TAF4B: variants seen among roughly 807,000 people sequenced by gnomAD.
The protein encoded by TAF4B is TATA-box binding protein associated factor 4b.
Under a neutral mutation model 86.4 loss-of-function variants are expected in TAF4B, and 38 were observed. The ratio of observed to expected loss-of-function variants is 0.44; its 90% CI spans 0.34 to 0.58. The LOEUF (loss-of-function observed/expected upper bound fraction) is 0.58. TAF4B is among the 20% of genes least tolerant of loss of function. TAF4B has a pLI of 0.02. For missense variants in TAF4B, 988 were observed against 1,027.6 expected, an observed-to-expected ratio of 0.96 and a Z score of 0.53; for synonymous variants, 388 against 391.2, an observed-to-expected ratio of 0.99 and a Z score of 0.10.
chr18:26,237,223 C>T (rs904240333), intron 1 of TAF4B, among the ~76,000 whole-genome samples: 3 of 152,146 alleles, frequency 2.0e-5, no homozygotes, highest in Non-Finnish European at 2.9e-5. Flanking sequence ...CAGGTATCTT[C>T]GAACTCTTGG....
chr18:26,346,773 A>ATATATATATATATATATG (rs1404902479), intron 13 of TAF4B, among the ~76,000 whole-genome samples: 1 of 24,112 alleles, frequency 4.1e-5, no homozygotes, highest in Non-Finnish European at 9.9e-5. Context: ...ATATATATAT[A>ATATATATATATATATATG]TGTGTGTGTA....
chr18:26,308,879 CAAA>C (rs71169847), intron 9 of TAF4B, among the ~76,000 whole-genome samples: 5 of 80,356 alleles, frequency 6.2e-5, no homozygotes, highest in African/African-American at 1.5e-4. Context: ...GACTCTGTCT[CAAA>C]AAAAAAAAAA....
chr18:26,286,224 A>C lies in TAF4B; in HGVS notation c.1315A>C (p.Thr439Pro). The C allele has an allele frequency of 6.2e-7, 1 of 1,614,246 alleles. No homozygotes were observed. The highest frequency in any genetic ancestry group is 1.6e-4 in the Middle Eastern group (1 of 6,062). Residue 439 changes from threonine (T) to proline (P), a missense_variant, in exon 7 of 15, where the codon ACA becomes CCA. Thr to Pro is a conservative substitution (Grantham distance 38). Transcript: ENST00000269142. ...GLLQTSKPLV[T>P]SVANTVTTVS... ...GCTTCAGACTTCAAAACCACTTGTG[A>C]CATCTGTGGCAAACACAGTGACCAC... is the stretch of plus-strand genomic sequence containing the variant.
At chr18:26,240,384 TTGTC>T (rs2055818599) in intron 1 of TAF4B, among the ~76,000 whole-genome samples, 1 of 152,226 alleles carries the variant, frequency 6.6e-6, no homozygotes, top group Admixed American at 6.5e-5. Flanking sequence ...GGCTCTCTGT[TTGTC>T]TGTTATTGGT....
intron 13 of TAF4B, among the ~76,000 whole-genome samples, chr18:26,356,759 AGTG>A (rs2057291297): frequency 6.8e-6 from 1 of 147,654 alleles, no homozygotes; most frequent in African/African-American, 2.5e-5. Flanking sequence ...GGATTTATCT[AGTG>A]GTGTTCTATT....
At chr18:26,336,962 C>T (rs1382109497) in intron 13 of TAF4B, among the ~76,000 whole-genome samples, 1 of 151,916 alleles carries the variant, frequency 6.6e-6, no homozygotes, top group Non-Finnish European at 1.5e-5. Context: ...TTAATAATTC[C>T]GTAAGGGATG....
intron 1 of TAF4B, among the ~76,000 whole-genome samples, chr18:26,264,682 AC>A (rs1226705591): frequency 6.6e-6 from 1 of 152,236 alleles, no homozygotes; most frequent in African/African-American, 2.4e-5. Flanking sequence ...TAAAGGGCTC[AC>A]ATTTACATAT....
chr18:26,372,924 G>A (rs530652249), intron 14 of TAF4B, among the ~76,000 whole-genome samples: 180 of 148,624 alleles, frequency 1.2e-3, no homozygotes, highest in African/African-American at 4.2e-3. Context: ...AGCCGAGATC[G>A]CACTCCAGCC....
At chr18:26,382,600 A>G (rs1225850117) in intron 14 of TAF4B, among the ~76,000 whole-genome samples, 1 of 152,122 alleles carries the variant, frequency 6.6e-6, no homozygotes, top group Non-Finnish European at 1.5e-5. Context: ...CTTTCACCCC[A>G]GATTGGTTTG....
intron 14 of TAF4B, among the ~76,000 whole-genome samples, chr18:26,372,888 G>A (rs960731353): frequency 6.0e-5 from 9 of 150,420 alleles, no homozygotes; most frequent in African/African-American, 1.7e-4. Context: ...AGAATGGCGT[G>A]AACTTGGGAG....
In TAF4B at chr18:26,227,287, A is replaced by T; in HGVS notation, c.343+11A>T. On this transcript the variant is annotated intron_variant, in intron 1 of 14. Coordinates refer to ENST00000269142, the MANE Select transcript of TAF4B (RefSeq NM_005640.3). ...TGCAGCTTCCTCCAGGTATGTTGAT[A>T]ACCCTTTCCAGCCTTGTCTGTCGGT... 3 of 1,608,086 alleles carry T rather than the reference A, an allele frequency of 1.9e-6. No homozygotes were observed. The highest frequency in any genetic ancestry group is 2.5e-6 in the Non-Finnish European group (3 of 1,177,358).
chr18:26,256,223 A>G, intron 1 of TAF4B: 10 of 1,598,378 alleles, frequency 6.3e-6, no homozygotes, highest in Non-Finnish European at 8.6e-6. Context: ...AAGGAGTCTC[A>G]TGCAATCCAG....
intron 1 of TAF4B, among the ~76,000 whole-genome samples, chr18:26,240,097 T>C (rs916808034): frequency 6.6e-6 from 1 of 152,234 alleles, no homozygotes; most frequent in Non-Finnish European, 1.5e-5. Context: ...ATATGAACTT[T>C]AAAGTAGTTT....
intron 1 of TAF4B, among the ~76,000 whole-genome samples, chr18:26,229,133 TACC>T (rs1210120199): frequency 6.6e-6 from 1 of 152,192 alleles, no homozygotes; most frequent in Non-Finnish European, 1.5e-5. Flanking sequence ...TTATTTTATA[TACC>T]AAGGAACCAA....
intron 1 of TAF4B, among the ~76,000 whole-genome samples, chr18:26,232,710 C>G (rs1370059867): frequency 6.6e-6 from 1 of 152,222 alleles, no homozygotes; most frequent in Non-Finnish European, 1.5e-5. Flanking sequence ...GTACAAAGTC[C>G]TCCTTTCTCA....
Position 26,374,689 on chromosome 18 carries a change from T to C in TAF4B, c.2422-15156T>C, listed in dbSNP as rs1425172115. 2.6e-5 allele frequency among the ~76,000 whole-genome samples: 4 copies of C among 152,180 alleles called. No homozygotes were observed. In the East Asian group the frequency reaches 7.7e-4, roughly 29 times the overall value. On this transcript the variant is annotated intron_variant, in intron 14 of 14. Transcript: ENST00000269142. Reference sequence around the variant, plus strand: ...CTCTGTGAAATTTGTCCCAGTTAGATGTTCAGATTTTCAATTAATGTTATC... The same window carrying C: ...CTCTGTGAAATTTGTCCCAGTTAGACGTTCAGATTTTCAATTAATGTTATC...
intron 1 of TAF4B, among the ~76,000 whole-genome samples, chr18:26,243,061 C>T (rs1383985442): frequency 6.6e-6 from 1 of 152,114 alleles, no homozygotes; most frequent in Non-Finnish European, 1.5e-5. Flanking sequence ...AATTATGTGT[C>T]TTGCAGTTGC....
intron 9 of TAF4B, among the ~76,000 whole-genome samples, chr18:26,312,707 AG>A (rs1309990376): frequency 6.6e-6 from 1 of 152,056 alleles, no homozygotes; most frequent in Non-Finnish European, 1.5e-5. Flanking sequence ...TGCAATTTCC[AG>A]GGGCCTGTGT....
chr18:26,291,578 G>T (rs1024307018), intron 7 of TAF4B, among the ~76,000 whole-genome samples: 1 of 151,616 alleles, frequency 6.6e-6, no homozygotes, highest in South Asian at 2.1e-4. Context: ...CTGGTGGTGC[G>T]TGTCTGAAAT....
Sources: allele counts gnomAD v4.1 joint callset (sites outside exome capture counted in the v4.1 genomes callset), GRCh38; gene constraint gnomAD v4.1.1; transcripts MANE v1.5; gene names NCBI Gene and HGNC (gene_info 2026-07-23, HGNC 2026-07-21).